RBFOX1: variants seen among roughly 807,000 people sequenced by gnomAD.
RBFOX1 encodes RNA binding protein fox-1 homolog 1.
Under a neutral mutation model 57.7 loss-of-function variants are expected in RBFOX1, and 8 were observed. The ratio of observed to expected loss-of-function variants is 0.14; its 90% confidence interval spans 0.08 to 0.25. The LOEUF (loss-of-function observed/expected upper bound fraction) is 0.25. Among genes scored for constraint, RBFOX1 ranks in the 10% least tolerant of loss-of-function variants. RBFOX1 has a pLI of 1.00. For synonymous variants in RBFOX1, 326 were observed against 222.4 expected, an observed-to-expected ratio of 1.47 and a Z score of -4.15; for missense variants, 611 against 548.5, an observed-to-expected ratio of 1.11 and a Z score of -1.14.
At chr16:5,509,351 T>G (rs1567176051) in intron 2 of RBFOX1, among the ~76,000 whole-genome samples, 3 of 152,204 alleles carry the variant, frequency 2.0e-5, no homozygotes, top group Non-Finnish European at 4.4e-5. Flanking sequence ...TCCCTGTGAA[T>G]GAGGAGAAGC....
intron 4 of RBFOX1, among the ~76,000 whole-genome samples, chr16:7,401,461 C>G (rs1433278768): frequency 6.6e-6 from 1 of 152,050 alleles, no homozygotes. Context: ...GGATCGATAG[C>G]TAGATGGCTA....
chr16:6,995,289 C>G (rs929551097), intron 3 of RBFOX1, among the ~76,000 whole-genome samples: 4 of 62,116 alleles, frequency 6.4e-5, no homozygotes, highest in Admixed American at 6.2e-4. Flanking sequence ...TGAAAGTAGC[C>G]TTGTGTGTGT....
intron 5 of RBFOX1, among the ~76,000 whole-genome samples, chr16:7,533,733 G>A (rs958464773): frequency 6.6e-6 from 1 of 152,170 alleles, no homozygotes; most frequent in African/African-American, 2.4e-5. Context: ...TCTACTGAAT[G>A]TGTATTGTTT....
chr16:6,260,670 G>A (rs2097696619), intron 1 of RBFOX1, among the ~76,000 whole-genome samples: 1 of 152,160 alleles, frequency 6.6e-6, no homozygotes, highest in African/African-American at 2.4e-5. Flanking sequence ...TTGAGGTCAC[G>A]AGTTTGAGGC....
chr16:6,844,570 TA>T (rs1250347401), intron 3 of RBFOX1, among the ~76,000 whole-genome samples: 2 of 152,146 alleles, frequency 1.3e-5, no homozygotes, highest in Admixed American at 1.3e-4. Context: ...CTTTTTTTTT[TA>T]TCCAGTCTTT....
chr16:7,047,762 T>C (rs1358502833), intron 3 of RBFOX1, among the ~76,000 whole-genome samples: 11 of 131,290 alleles, frequency 8.4e-5, no homozygotes, highest in Non-Finnish European at 1.5e-4. Flanking sequence ...AATTTTTTTT[T>C]CCCCTATGTT....
chr16:5,906,911 A>G (rs1233162669), intron 4 of RBFOX1, among the ~76,000 whole-genome samples: 1 of 150,822 alleles, frequency 6.6e-6, no homozygotes, highest in Non-Finnish European at 1.5e-5. Context: ...ATTTTTTTGT[A>G]TTATTAGTAG....
chr16:5,657,347 T>G (rs987339849), intron 3 of RBFOX1, among the ~76,000 whole-genome samples: 3 of 152,226 alleles, frequency 2.0e-5, no homozygotes, highest in African/African-American at 7.2e-5. Flanking sequence ...TTTCTCACAC[T>G]TAATCCACAT....
chr16:6,812,228 C>T (rs1296767514), intron 3 of RBFOX1, among the ~76,000 whole-genome samples: 1 of 152,166 alleles, frequency 6.6e-6, no homozygotes, highest in African/African-American at 2.4e-5. Context: ...TATTAAGCTC[C>T]TCACATTTCC....
At chr16:5,760,360 T>TCA (rs61662533) in intron 3 of RBFOX1, among the ~76,000 whole-genome samples, 8,284 of 150,798 alleles carry the variant, frequency 0.055, 633 homozygotes, top group African/African-American at 0.17. Context: ...CTCAGCAATT[T>TCA]CACACACACA....
In RBFOX1 at chr16:5,966,641, A is replaced by G. The variant is rs143302880; in HGVS notation, c.351+99306A>G. On this transcript the variant is annotated intron_variant, in intron 4 of 19. Transcript: ENST00000641259. ...GCTAATTTTTGTATTTTTAGTAGAC[A>G]AGGTTTCGCCACACACCTTTAAACG... is the stretch of plus-strand genomic sequence containing the variant. 1.8e-4 allele frequency among the ~76,000 whole-genome samples: 27 copies of G among 152,230 alleles called. 1 individual carries two copies. The East Asian group carries it at 4.6e-3, about 26-fold the overall frequency.
At chr16:7,488,843 C>A (rs543180860) in intron 4 of RBFOX1, among the ~76,000 whole-genome samples, 1 of 152,134 alleles carries the variant, frequency 6.6e-6, no homozygotes, top group African/African-American at 2.4e-5. Flanking sequence ...TTCTCACATC[C>A]ATTATCTATC....
intron 4 of RBFOX1, among the ~76,000 whole-genome samples, chr16:7,182,540 A>G (rs2082927128): frequency 6.6e-6 from 1 of 152,230 alleles, no homozygotes; most frequent in Non-Finnish European, 1.5e-5. Flanking sequence ...AAATATGGAA[A>G]CAAGGGATAG....
chr16:7,219,326 A>G (rs1458765357), intron 4 of RBFOX1, among the ~76,000 whole-genome samples: 1 of 152,226 alleles, frequency 6.6e-6, no homozygotes, highest in Non-Finnish European at 1.5e-5. Context: ...AGATGCTTTT[A>G]ATGAGCTGCA....
chr16:7,340,595 G>A (rs940787561), intron 4 of RBFOX1, among the ~76,000 whole-genome samples: 3 of 152,142 alleles, frequency 2.0e-5, no homozygotes, highest in Admixed American at 6.5e-5. Flanking sequence ...ACAATAATCA[G>A]TGCAAGATTG....
At chr16:6,704,646 G>GGA (rs1008860360) in intron 3 of RBFOX1, 4 of 152,310 alleles carry the variant, frequency 2.6e-5, no homozygotes, top group Non-Finnish European at 2.9e-5. Flanking sequence ...ACAGAGACAG[G>GGA]GAGAGAGAGA....
chr16:7,680,224 T>C (rs556114833), intron 14 of RBFOX1, among the ~76,000 whole-genome samples: 2 of 152,294 alleles, frequency 1.3e-5, no homozygotes, highest in Admixed American at 1.3e-4. Flanking sequence ...ATGGTTTGTG[T>C]ATTATGACTT....
intron 4 of RBFOX1, among the ~76,000 whole-genome samples, chr16:7,157,281 C>T (rs1477090939): frequency 2.6e-5 from 4 of 152,174 alleles, no homozygotes; most frequent in Non-Finnish European, 4.4e-5. Flanking sequence ...GGAAGAAGAC[C>T]ATATGCTTGA....
At chr16:7,651,976 T>C (rs1315014103) in intron 11 of RBFOX1, among the ~76,000 whole-genome samples, 1 of 152,100 alleles carries the variant, frequency 6.6e-6, no homozygotes, top group Non-Finnish European at 1.5e-5. Context: ...AGTGGTTTGC[T>C]GACTCTGTGG....
Sources: gnomAD v4.1 joint callset for allele counts (sites outside exome capture counted in the v4.1 genomes callset) on GRCh38, gnomAD v4.1.1 for gene constraint, MANE v1.5 for transcripts, NCBI Gene and HGNC (gene_info 2026-07-23, HGNC 2026-07-21) for gene names.